RABGAP1L: variants seen among roughly 807,000 people sequenced by gnomAD.
RABGAP1L encodes rab GTPase-activating protein 1-like.
A neutral mutation model predicts 137.7 loss-of-function variants in RABGAP1L; 63 were observed. That is an observed-to-expected ratio of 0.46 (90% confidence interval 0.37 to 0.56). The LOEUF is 0.56. Among genes scored for constraint, RABGAP1L ranks in the 20% least tolerant of loss-of-function variants. The pLI is 0.00. For missense variants in RABGAP1L, 1,095 were observed against 1,244.0 expected (o/e 0.88, Z 1.80); for synonymous variants, 431 against 433.7 (o/e 0.99, Z 0.08).
intron 13 of RABGAP1L, among the ~76,000 whole-genome samples, chr1:174,467,193 A>T (rs934709963): frequency 2.0e-5 from 3 of 152,182 alleles, no homozygotes; most frequent in Non-Finnish European, 4.4e-5. Flanking sequence ...TTTATTTTTT[A>T]CATCTTATAT....
intron 7 of RABGAP1L, among the ~76,000 whole-genome samples, chr1:174,257,935 G>C (rs1382543796): frequency 1.3e-5 from 2 of 152,096 alleles, no homozygotes; most frequent in Non-Finnish European, 1.5e-5. Context: ...TCTAACACTT[G>C]CAACCTTGGA....
intron 18 of RABGAP1L, among the ~76,000 whole-genome samples, chr1:174,759,238 T>C (rs1685015481): frequency 6.6e-6 from 1 of 150,896 alleles, no homozygotes; most frequent in Non-Finnish European, 1.5e-5. Context: ...TGTTAGTTCA[T>C]TCTTGCATTG....
chr1:174,868,197 G>A (rs552821181), intron 19 of RABGAP1L, among the ~76,000 whole-genome samples: 5 of 151,838 alleles, frequency 3.3e-5, no homozygotes, highest in Admixed American at 2.0e-4. Context: ...GACCTCAGGC[G>A]ATTCACCCAC....
At chr1:174,898,926 C>CA (rs1413795959) in intron 19 of RABGAP1L, among the ~76,000 whole-genome samples, 2 of 151,758 alleles carry the variant, frequency 1.3e-5, no homozygotes, top group Admixed American at 1.3e-4. Flanking sequence ...AACACATATT[C>CA]AAAAAAAGGG....
intron 18 of RABGAP1L, among the ~76,000 whole-genome samples, chr1:174,772,359 C>T (rs533508172): frequency 1.3e-5 from 2 of 152,024 alleles, no homozygotes; most frequent in South Asian, 2.1e-4. Context: ...GGGTGGATCA[C>T]CTGAGGTCAG....
chr1:174,691,656 A>G (rs138023595), intron 15 of RABGAP1L, among the ~76,000 whole-genome samples: 2,307 of 152,330 alleles, frequency 0.015, 29 homozygotes, highest in South Asian at 0.023. Flanking sequence ...ATGGACATTC[A>G]GTCTTAGAGA....
chr1:174,807,564 G>T (rs757221721), intron 18 of RABGAP1L, among the ~76,000 whole-genome samples: 2 of 152,150 alleles, frequency 1.3e-5, no homozygotes, highest in Non-Finnish European at 2.9e-5. Context: ...GGCATTTGAG[G>T]TAATACTTAA....
chr1:174,435,995 T>C (rs1053677966), intron 13 of RABGAP1L, among the ~76,000 whole-genome samples: 7 of 152,212 alleles, frequency 4.6e-5, no homozygotes, highest in South Asian at 2.1e-4. Context: ...TCATCATTTT[T>C]TATGGCTGCA....
chr1:174,570,077 C>T (rs1572358062), intron 13 of RABGAP1L, among the ~76,000 whole-genome samples: 1 of 152,080 alleles, frequency 6.6e-6, no homozygotes, highest in African/African-American at 2.4e-5. Flanking sequence ...GCATGTTATT[C>T]TATGATTTTT....
rs576785302 is a variant in RABGAP1L, at chr1:174,494,835, G to T, written c.1710+100690G>T. On this transcript the variant is annotated intron_variant, in intron 13 of 25. Coordinates refer to ENST00000681986, the MANE Select transcript of RABGAP1L (RefSeq NM_001366446.1). ...CTAGTACCCATTCTTTCATAGCCAG[G>T]AAAAAGGGGAGAGGGTGTTGGAATA... Among the ~76,000 whole-genome samples the T allele has an allele frequency of 2.0e-5, 3 of 152,156 alleles. No homozygotes were observed. The South Asian group carries it at 6.2e-4, about 32-fold the overall frequency.
At chr1:174,227,012 A>G (rs1670239234) in intron 3 of RABGAP1L, among the ~76,000 whole-genome samples, 1 of 152,150 alleles carries the variant, frequency 6.6e-6, no homozygotes, top group African/African-American at 2.4e-5. Flanking sequence ...ATATTGTGAC[A>G]CATGAAGCTT....
rs1394393682 is a variant in RABGAP1L, at chr1:174,550,988, A to ATATATATATATG, written c.1711-86379_1711-86378insTATGTATATATA. On this transcript the variant is annotated intron_variant, in intron 13 of 25. Transcript: ENST00000681986. ...TATATATACATGTATATATACATAT[A>ATATATATATATG]TATATATACACATATATATATATAT... Among the ~76,000 whole-genome samples the ATATATATATATG allele has an allele frequency of 1.1e-3, 109 of 100,394 alleles. 4 individuals are homozygous for ATATATATATATG. Among genetic ancestry groups the ATATATATATATG allele is most frequent in the African/African-American group, 6.7e-3 (106 of 15,934 alleles). The allele number at this position is 100,394 out of a possible 152,430, so 65.9% of individuals were successfully genotyped here.
chr1:174,358,323 C>G (rs913687740), intron 11 of RABGAP1L, among the ~76,000 whole-genome samples: 5 of 152,188 alleles, frequency 3.3e-5, no homozygotes, highest in African/African-American at 4.8e-5. Context: ...TCATGTAGTT[C>G]CAAATAGTTG....
chr1:174,226,337 G>C (rs886318675), intron 3 of RABGAP1L, among the ~76,000 whole-genome samples: 1 of 152,136 alleles, frequency 6.6e-6, no homozygotes, highest in Non-Finnish European at 1.5e-5. Flanking sequence ...AAAGTGGGCG[G>C]ATCACTTGAG....
At chr1:174,589,016 G>A (rs1669345183) in intron 13 of RABGAP1L, among the ~76,000 whole-genome samples, 1 of 152,100 alleles carries the variant, frequency 6.6e-6, no homozygotes, top group African/African-American at 2.4e-5. Context: ...ATTTTTTGCA[G>A]AACTTCTATA....
At chr1:174,628,728 C>T (rs991585771) in intron 13 of RABGAP1L, among the ~76,000 whole-genome samples, 3 of 152,088 alleles carry the variant, frequency 2.0e-5, no homozygotes, top group Admixed American at 6.6e-5. Context: ...GGGAGATACA[C>T]CTGCTGAGAA....
intron 21 of RABGAP1L, among the ~76,000 whole-genome samples, chr1:174,973,337 C>A (rs1209490661): frequency 6.6e-6 from 1 of 151,406 alleles, no homozygotes; most frequent in Non-Finnish European, 1.5e-5. Flanking sequence ...GAAAAAAATT[C>A]CTCGGGGAAG....
chr1:174,636,072 A>G (rs914668469), intron 13 of RABGAP1L, among the ~76,000 whole-genome samples: 9 of 152,200 alleles, frequency 5.9e-5, no homozygotes, highest in Non-Finnish European at 1.0e-4. Context: ...CAGTGTTGCT[A>G]TAAGTAGCCC....
intron 19 of RABGAP1L, among the ~76,000 whole-genome samples, chr1:174,931,848 G>A (rs1174196725): frequency 6.6e-6 from 1 of 152,090 alleles, no homozygotes; most frequent in Non-Finnish European, 1.5e-5. Context: ...GAAATACCAT[G>A]TGAAAGATTG....
Sources: allele counts gnomAD v4.1 joint callset (sites outside exome capture counted in the v4.1 genomes callset), GRCh38; gene constraint gnomAD v4.1.1; transcripts MANE v1.5; gene names NCBI Gene and HGNC (gene_info 2026-07-23, HGNC 2026-07-21).